The following PLA2G1B variants were observed in gnomAD, a reference collection of about 807,000 sequenced individuals.
PLA2G1B encodes the protein phospholipase A2.
In PLA2G1B, 12 loss-of-function variants were observed where a neutral mutation model predicts 12.5. The ratio of observed to expected loss-of-function variants is 0.96; its 90% CI spans 0.62 to 1.56. The LOEUF (loss-of-function observed/expected upper bound fraction) is 1.56. Ranked by LOEUF, PLA2G1B falls within the 40% of genes most tolerant of loss-of-function variation. PLA2G1B has a pLI of 0.00. For missense variants in PLA2G1B, 189 were observed against 186.7 expected (o/e 1.01, Z -0.07); for synonymous variants, 81 against 73.4 (o/e 1.10, Z -0.53).
Position 120,326,018 on chromosome 12 carries a change from C to T in PLA2G1B, c.37G>A (p.Ala13Thr). 1 of 1,613,636 alleles carries T rather than the reference C, an allele frequency of 6.2e-7. No homozygotes were observed. Among genetic ancestry groups the T allele is most frequent in the Non-Finnish European group, 8.5e-7 (1 of 1,179,924 alleles). ...GGGCTGATGCCGCTGTCGGCGGCGG[C>T]CACTGCAAGAAGACATAGCCAGAGT... ...LLVLAVLLTV[A>T]AADSGISPRA... The change falls in exon 2 of 4, where the codon GCC (alanine) becomes ACC (threonine). Residue 13 changes from alanine (A) to threonine (T), a missense_variant and splice_region_variant. Ala to Thr is a moderately conservative substitution (Grantham distance 58). Coordinates refer to ENST00000308366, the MANE Select transcript of PLA2G1B (RefSeq NM_000928.3).
In PLA2G1B at chr12:120,327,721, T is replaced by C; in HGVS notation, c.33A>G (p.Thr11=). The change falls in exon 1 of 4, where the codon ACA becomes ACG. Residue 11 remains threonine (T), a splice_region_variant and synonymous_variant. Coordinates refer to ENST00000308366, the MANE Select transcript of PLA2G1B (RefSeq NM_000928.3). ...GTGGAGCCGGGGAGACTTGCCTACC[T>C]GTGAGCAGCACAGCTAGCACAAGGA... MKLLVLAVLL[T]VAAADSGISP... The C allele has an allele frequency of 6.2e-7, 1 of 1,613,972 alleles. No homozygotes were observed. The highest frequency in any genetic ancestry group is 8.5e-7 in the Non-Finnish European group (1 of 1,179,884).
At chr12:120,327,090 A>G (rs1378353115) in intron 1 of PLA2G1B, among the ~76,000 whole-genome samples, 1 of 151,982 alleles carries the variant, frequency 6.6e-6, no homozygotes, top group Non-Finnish European at 1.5e-5. Flanking sequence ...CCTGGCCAAC[A>G]TGGTGAAAAC....
chr12:120,323,642 C>CTGTG (rs994635358), intron 3 of PLA2G1B, among the ~76,000 whole-genome samples: 2 of 149,872 alleles, frequency 1.3e-5, no homozygotes, highest in South Asian at 2.1e-4. Flanking sequence ...TAAAAAAAAA[C>CTGTG]TGTGTGTGAG....
intron 3 of PLA2G1B, among the ~76,000 whole-genome samples, chr12:120,324,375 G>T (rs1873295097): frequency 1.3e-5 from 2 of 152,112 alleles, no homozygotes; most frequent in African/African-American, 4.8e-5. Flanking sequence ...GGAATGTAAA[G>T]AAATAAGTAG....
chr12:120,326,267 TTTCTTCTTC>T (rs1216536277), intron 1 of PLA2G1B, among the ~76,000 whole-genome samples: 1 of 149,066 alleles, frequency 6.7e-6, no homozygotes, highest in Non-Finnish European at 1.5e-5. Flanking sequence ...TCTTCTTCTT[TTTCTTCTTC>T]TTCTTCTTCT....
At chr12:120,327,694 G>A (rs1029038350) in intron 1 of PLA2G1B, 26 bp downstream of exon 1, 18 of 1,610,272 alleles carry the variant, frequency 1.1e-5, no homozygotes, top group African/African-American at 1.3e-5. Flanking sequence ...AGAGAAAGGC[G>A]GGTGGAGCCG....
intron 3 of PLA2G1B, 110 bp downstream of exon 3, chr12:120,324,824 G>T: frequency 1.8e-6 from 2 of 1,131,374 alleles, no homozygotes; most frequent in Non-Finnish European, 2.6e-6. Context: ...AGGAGACACT[G>T]CCCAGAACCA....
chr12:120,323,138 T>C (rs1034741642), intron 3 of PLA2G1B, among the ~76,000 whole-genome samples: 5 of 152,200 alleles, frequency 3.3e-5, no homozygotes, highest in African/African-American at 1.2e-4. Context: ...TTGGCTTGTT[T>C]ACTTTTATAA....
At chr12:120,327,321 A>T (rs9657929) in intron 1 of PLA2G1B, among the ~76,000 whole-genome samples, 4,028 of 152,074 alleles carry the variant, frequency 0.026, 142 homozygotes, top group African/African-American at 0.074. Flanking sequence ...AAATAAAAAT[A>T]AAAATTAAAA....
In PLA2G1B at chr12:120,325,996, C is replaced by T. The variant is rs941338861; in HGVS notation, c.59G>A (p.Ser20Asn). Residue 20 changes from serine (S) to asparagine (N), a missense_variant, in exon 2 of 4, where the codon AGC (serine) becomes AAC (asparagine). Transcript: ENST00000308366. Reference protein sequence around the residue: ...LTVAAADSGISPRAVWQFRKM... With the variant: ...LTVAAADSGINPRAVWQFRKM... ...GCGGAACTGCCACACGGCCCGAGGG[C>T]TGATGCCGCTGTCGGCGGCGGCCAC... 3.1e-6 allele frequency: 5 copies of T among 1,614,064 alleles called. No homozygotes were observed. Among genetic ancestry groups the T allele is most frequent in the Non-Finnish European group, 4.2e-6 (5 of 1,179,980 alleles).
At chr12:120,323,927 A>T (rs1180666473) in intron 3 of PLA2G1B, among the ~76,000 whole-genome samples, 1 of 151,424 alleles carries the variant, frequency 6.6e-6, no homozygotes, top group Non-Finnish European at 1.5e-5. Context: ...AAGAAAGTTT[A>T]TATCTAGGCT....
rs768856726 is a variant in PLA2G1B at position 120,325,877 on chromosome 12, C to T, written c.178G>A (p.Val60Met). ...ATCACTTACTTGTCCAGTTCATCCA[C>T]GGGGGTGCCTGAGCCCCCCAAGCCA... ...YCGLGGSGTP[V>M]DELDKCCQTH... Residue 60 changes from valine (V) to methionine (M), a missense_variant, in exon 2 of 4, where the codon GTG becomes ATG. Transcript: ENST00000308366. The T allele has an allele frequency of 7.4e-6, 12 of 1,613,734 alleles. No individual in the cohort carries two copies. The highest frequency in any genetic ancestry group is 1.7e-4 in the Middle Eastern group (1 of 5,990).
At chr12:120,324,856 G>T in intron 3 of PLA2G1B, 78 bp downstream of exon 3, 3 of 1,444,142 alleles carry the variant, frequency 2.1e-6, no homozygotes, top group South Asian at 1.2e-5. Context: ...ACTAAATCAT[G>T]GCTGTTGTTA....
At chr12:120,326,578 TATAATAATAATA>T (rs56186515) in intron 1 of PLA2G1B, among the ~76,000 whole-genome samples, 47,218 of 139,786 alleles carry the variant, frequency 0.34, 9,532 homozygotes, top group South Asian at 0.48. Flanking sequence ...AGTGAACAGA[TATAATAATAATA>T]ATAATAATAA....
chr12:120,323,153 A>C (rs963565230), intron 3 of PLA2G1B, among the ~76,000 whole-genome samples: 6 of 152,198 alleles, frequency 3.9e-5, no homozygotes, highest in Non-Finnish European at 8.8e-5. Context: ...TTATAACCAA[A>C]ATAAACAATA....
chr12:120,325,621 T>G (rs574535630), intron 2 of PLA2G1B, among the ~76,000 whole-genome samples: 1 of 152,344 alleles, frequency 6.6e-6, no homozygotes, highest in East Asian at 1.9e-4. Flanking sequence ...TGTTGCTACA[T>G]TCTGCCACTG....
chr12:120,325,219 A>G lies in PLA2G1B; in HGVS notation c.195-158T>C, dbSNP rs538532804. ...AAAAATATAAGTCCTTTTATCATATATTTATTGAAAGCATTTTTTTTTTTT... is the reference window on the plus strand; with the variant it reads ...AAAAATATAAGTCCTTTTATCATATGTTTATTGAAAGCATTTTTTTTTTTT... On this transcript the variant is annotated intron_variant, in intron 2 of 3. Transcript: ENST00000308366. Among the ~76,000 whole-genome samples, 49 of 152,014 alleles carry G rather than the reference A, an allele frequency of 3.2e-4. No individual in the cohort carries two copies. In the South Asian group the frequency reaches 0.01, roughly 32 times the overall value.
intron 1 of PLA2G1B, among the ~76,000 whole-genome samples, chr12:120,326,292 C>T (rs1873346600): frequency 1.4e-5 from 2 of 146,748 alleles, no homozygotes; most frequent in African/African-American, 2.5e-5. Context: ...CTTCTGGGAC[C>T]CTACCGCCTC....
intron 3 of PLA2G1B, among the ~76,000 whole-genome samples, chr12:120,323,056 G>A (rs1054714892): frequency 6.6e-6 from 1 of 152,152 alleles, no homozygotes; most frequent in African/African-American, 2.4e-5. Context: ...GGTTATCTTT[G>A]GGTAGTAGGA....
Sources: allele counts gnomAD v4.1 joint callset (sites outside exome capture counted in the v4.1 genomes callset), GRCh38; gene constraint gnomAD v4.1.1; transcripts MANE v1.5; gene names NCBI Gene and HGNC (gene_info 2026-07-23, HGNC 2026-07-21).